The following PARP4 variants were observed in gnomAD, a reference collection of about 807,000 sequenced individuals.
PARP4 encodes protein mono-ADP-ribosyltransferase PARP4.
In PARP4, 120 loss-of-function variants were observed where a neutral mutation model predicts 187.7. That is an observed-to-expected ratio of 0.64 (90% confidence interval 0.55 to 0.74). The LOEUF is 0.74. PARP4 is among the 30% of genes least tolerant of loss of function. The probability of loss-of-function intolerance (pLI) is 0.00; values close to 1 mark genes in which losing one functional copy is unlikely to be tolerated. For synonymous variants in PARP4, 654 were observed against 740.9 expected, an observed-to-expected ratio of 0.88 and a Z score of 1.90; for missense variants, 1,836 against 2,070.5, an observed-to-expected ratio of 0.89 and a Z score of 2.20.
chr13:24,452,261 G>T, intron 24 of PARP4, 145 bp downstream of exon 24: 1 of 643,806 alleles, frequency 1.6e-6, no homozygotes, highest in Non-Finnish European at 2.6e-6. Context: ...CAGGCAGTCT[G>T]GCTGGGAGCC....
chr13:24,449,111 A>G (rs9318563), intron 25 of PARP4, among the ~76,000 whole-genome samples: 128,656 of 151,998 alleles, frequency 0.85, 56,405 homozygotes, highest in East Asian at 0.98. Context: ...TAAAATGGCC[A>G]GGCGCGGTGG....
rs551282272 is a variant in PARP4, at chr13:24,474,676, T to C, written c.1914+796A>G. ...GTCCCACAGGCTTCCTGAAAACAAA[T>C]TCCATCCAGAGTCTGCTTTCTAGGG... On this transcript the variant is annotated intron_variant, in intron 15 of 33. Transcript: ENST00000381989. 1.3e-3 allele frequency among the ~76,000 whole-genome samples: 193 copies of C among 152,206 alleles called. 1 individual carries two copies. In the East Asian group the frequency reaches 0.019, roughly 15 times the overall value.
intron 1 of PARP4, among the ~76,000 whole-genome samples, chr13:24,504,307 C>CTTTTTTTTTTTT (rs11434017): frequency 1.1e-5 from 1 of 87,358 alleles, no homozygotes; most frequent in Non-Finnish European, 2.0e-5. Context: ...CATTTAGGTT[C>CTTTTTTTTTTTT]TTTTTTTTTT....
intron 1 of PARP4, among the ~76,000 whole-genome samples, chr13:24,506,889 G>A (rs367915198): frequency 6.6e-6 from 1 of 152,222 alleles, no homozygotes; most frequent in Admixed American, 6.5e-5. Context: ...CTCGTGCTGC[G>A]CAGGAGCCAA....
chr13:24,459,139 GAA>G lies in PARP4; in HGVS notation c.2346-19_2346-18del. Reference sequence around the variant, plus strand: ...AAAGAGAAGCTAGCAAAAATGAAGAGAAAGTTGTCTTAGTCTACGATCTTAAA... The same window carrying G: ...AAAGAGAAGCTAGCAAAAATGAAGAGAGTTGTCTTAGTCTACGATCTTAAA... On this transcript the variant is annotated intron_variant, in intron 19 of 33. Transcript: ENST00000381989. The G allele has an allele frequency of 6.3e-7, 1 of 1,593,682 alleles. No homozygotes were observed.
chr13:24,432,363 A>G (rs1870384049), intron 31 of PARP4, among the ~76,000 whole-genome samples: 1 of 152,250 alleles, frequency 6.6e-6, no homozygotes, highest in Non-Finnish European at 1.5e-5. Context: ...CCTCTTTAAA[A>G]AAAACCCACT....
At position 24,443,667 on chromosome 13, in the gene PARP4, T is replaced by G; in HGVS notation, c.3430A>C (p.Asn1144His). ...RDYEDGILHENETSHEMKKQT... is the reference protein window; with the variant it reads ...RDYEDGILHEHETSHEMKKQT... ...GAACAAACCTCATGACTGGTTTCATTTTCGTGAAGAATGCCATCTTCATAA... is the reference window on the plus strand; with the variant it reads ...GAACAAACCTCATGACTGGTTTCATGTTCGTGAAGAATGCCATCTTCATAA... The change falls in exon 28 of 34, where the codon AAT (asparagine) becomes CAT (histidine). Residue 1144 changes from asparagine to histidine, a missense_variant. This residue lies in a region of PARP4 where 47 missense variants were observed against 99.5 expected (regional missense o/e 0.47). Coordinates refer to ENST00000381989, the MANE Select transcript of PARP4 (RefSeq NM_006437.4). 6.2e-7 allele frequency: 1 copy of G among 1,611,398 alleles called. No individual in the cohort carries two copies. Among genetic ancestry groups the G allele is most frequent in the Non-Finnish European group, 8.5e-7 (1 of 1,177,528 alleles).
chr13:24,500,748 AGAG>A (rs992838648), intron 3 of PARP4, among the ~76,000 whole-genome samples: 18 of 152,344 alleles, frequency 1.2e-4, no homozygotes, highest in African/African-American at 4.3e-4. Context: ...GTTCTAGCTT[AGAG>A]GAGGGAAAGT....
chr13:24,459,033 G>C lies in PARP4; in HGVS notation c.2424+11C>G. The stretch of plus-strand genomic sequence containing the variant: ...AAATAACAGCTCTTAAGAAATCAAA[G>C]ATGCACTAACCTTTTGTTTCAGTTC... On this transcript the variant is annotated intron_variant, in intron 20 of 33. Transcript: ENST00000381989. 6.4e-7 allele frequency: 1 copy of C among 1,560,892 alleles called. No individual in the cohort carries two copies.
chr13:24,508,941 C>G (rs564857022), intron 1 of PARP4, among the ~76,000 whole-genome samples: 1 of 152,170 alleles, frequency 6.6e-6, no homozygotes, highest in South Asian at 2.1e-4. Context: ...AGATATGGAC[C>G]ATAAATGAAT....
chr13:24,461,185 G>A (rs1339680987), intron 17 of PARP4, among the ~76,000 whole-genome samples: 1 of 152,086 alleles, frequency 6.6e-6, no homozygotes, highest in Non-Finnish European at 1.5e-5. Context: ...TTTAGATTAG[G>A]ATTAATTTAG....
chr13:24,496,826 C>A (rs1474923552), intron 6 of PARP4, among the ~76,000 whole-genome samples: 5 of 152,150 alleles, frequency 3.3e-5, no homozygotes, highest in African/African-American at 1.2e-4. Context: ...AGTTCGAGAC[C>A]AGCCTGGCCA....
chr13:24,493,521 A>C, intron 8 of PARP4, 75 bp downstream of exon 8: 2 of 1,419,768 alleles, frequency 1.4e-6, no homozygotes, highest in Non-Finnish European at 1.9e-6. Context: ...GCATGCAAAC[A>C]CACGTGTTAT....
chr13:24,501,055 T>C (rs951359068), intron 3 of PARP4, among the ~76,000 whole-genome samples: 1 of 152,194 alleles, frequency 6.6e-6, no homozygotes, highest in African/African-American at 2.4e-5. Flanking sequence ...TTCTGGACTA[T>C]TGTCTAAGGA....
intron 2 of PARP4, 21 bp from the exon 3 acceptor site, chr13:24,501,855 T>C: frequency 7.3e-7 from 1 of 1,370,224 alleles, no homozygotes. Flanking sequence ...AAAGAGTCAA[T>C]CCATTATGCA....
chr13:24,492,617 T>A, intron 8 of PARP4, 23 bp from the exon 9 acceptor site: 1 of 1,578,594 alleles, frequency 6.3e-7, no homozygotes, highest in African/African-American at 1.4e-5. Context: ...CATATATGCT[T>A]ATTACAATGA....
At chr13:24,477,943 G>T in intron 13 of PARP4, 86 bp from the exon 14 acceptor site, 2 of 1,149,960 alleles carry the variant, frequency 1.7e-6, no homozygotes, top group Non-Finnish European at 2.5e-6. Flanking sequence ...AAGCATGTTT[G>T]CTAATTTAGA....
At chr13:24,454,028 C>G (rs954907698) in intron 22 of PARP4, among the ~76,000 whole-genome samples, 32 of 149,484 alleles carry the variant, frequency 2.1e-4, no homozygotes, top group African/African-American at 7.7e-4. Context: ...GGCCGGGAGG[C>G]AGAGGTTGCA....
intron 10 of PARP4, among the ~76,000 whole-genome samples, chr13:24,490,414 T>A (rs1021125650): frequency 6.0e-5 from 9 of 149,560 alleles, no homozygotes; most frequent in African/African-American, 1.7e-4. Context: ...AAACACGTTT[T>A]AAAATTTTTA....
Sources: allele counts gnomAD v4.1 joint callset (sites outside exome capture counted in the v4.1 genomes callset), GRCh38; gene constraint gnomAD v4.1.1; regional missense constraint gnomAD v4.1.1; transcripts MANE v1.5; gene names NCBI Gene and HGNC (gene_info 2026-07-23, HGNC 2026-07-21).